Variants in CEMIP observed in about 807,000 individuals in gnomAD.
CEMIP encodes cell migration inducing hyaluronidase 1, also known as cell migration-inducing and hyaluronan-binding protein.
In CEMIP, 105 loss-of-function variants were observed where a neutral mutation model predicts 156.9. The observed-to-expected ratio is 0.67, with a 90% CI of 0.57 to 0.79. The LOEUF (loss-of-function observed/expected upper bound fraction) is 0.79. Among genes scored for constraint, CEMIP ranks in the 30% least tolerant of loss-of-function variants. CEMIP has a pLI of 0.00. For missense variants in CEMIP, 1,457 were observed against 1,769.4 expected (o/e 0.82, Z 3.17); for synonymous variants, 676 against 668.4 (o/e 1.01, Z -0.17).
At chr15:80,801,996 G>A (rs181986395) in intron 1 of CEMIP, among the ~76,000 whole-genome samples, 1 of 152,306 alleles carries the variant, frequency 6.6e-6, no homozygotes, top group African/African-American at 2.4e-5. Flanking sequence ...TTATATTAGG[G>A]ACTTGAGCAT....
intron 12 of CEMIP, among the ~76,000 whole-genome samples, chr15:80,902,555 A>G (rs1899611772): frequency 6.6e-6 from 1 of 152,212 alleles, no homozygotes; most frequent in South Asian, 2.1e-4. Context: ...CGCAGCTAAC[A>G]GCCATGGCCA....
chr15:80,785,608 G>A (rs1895915221), intron 1 of CEMIP, among the ~76,000 whole-genome samples: 1 of 152,192 alleles, frequency 6.6e-6, no homozygotes, highest in East Asian at 1.9e-4. Context: ...GTCATACAGG[G>A]TGATGGGGGC....
intron 1 of CEMIP, among the ~76,000 whole-genome samples, chr15:80,799,748 T>C (rs1473275931): frequency 6.6e-6 from 1 of 152,178 alleles, no homozygotes; most frequent in African/African-American, 2.4e-5. Context: ...CAAAAAATAA[T>C]GAAATCCTGT....
chr15:80,905,056 C>T (rs1017465460), intron 12 of CEMIP, among the ~76,000 whole-genome samples: 1 of 152,144 alleles, frequency 6.6e-6, no homozygotes, highest in African/African-American at 2.4e-5. Flanking sequence ...AGGATATGCG[C>T]AGGGTGAAGG....
chr15:80,896,570 TC>T, intron 12 of CEMIP, among the ~76,000 whole-genome samples: 1 of 152,346 alleles, frequency 6.6e-6, no homozygotes, highest in Admixed American at 6.5e-5. Flanking sequence ...ATCTCTTGTA[TC>T]TGTGAGTTTG....
chr15:80,872,276 G>T, intron 1 of CEMIP, among the ~76,000 whole-genome samples: 1 of 152,056 alleles, frequency 6.6e-6, no homozygotes, highest in East Asian at 1.9e-4. Flanking sequence ...CATATTCAGA[G>T]GAGAAATTGC....
At chr15:80,834,175 G>GA (rs1190601494) in intron 1 of CEMIP, among the ~76,000 whole-genome samples, 1 of 152,134 alleles carries the variant, frequency 6.6e-6, no homozygotes, top group African/African-American at 2.4e-5. Flanking sequence ...ACCCCCAGTT[G>GA]AAAGCCACTG....
intron 1 of CEMIP, among the ~76,000 whole-genome samples, chr15:80,838,109 G>A (rs1897305320): frequency 1.3e-5 from 2 of 152,184 alleles, no homozygotes; most frequent in South Asian, 2.1e-4. Context: ...CCTGACCTGC[G>A]ATGTGGAAGT....
intron 12 of CEMIP, among the ~76,000 whole-genome samples, chr15:80,904,843 A>G (rs1187633061): frequency 1.3e-5 from 2 of 152,194 alleles, no homozygotes; most frequent in African/African-American, 4.8e-5. Flanking sequence ...GAATACATTT[A>G]TGTTGTTTTA....
At chr15:80,809,869 G>A (rs905534479) in intron 1 of CEMIP, among the ~76,000 whole-genome samples, 1 of 152,198 alleles carries the variant, frequency 6.6e-6, no homozygotes, top group Non-Finnish European at 1.5e-5. Flanking sequence ...AGCAAATATT[G>A]TTTGTGCTTT....
intron 21 of CEMIP, 117 bp from the exon 22 acceptor site, chr15:80,931,742 T>C: frequency 1.0e-6 from 1 of 986,570 alleles, no homozygotes; most frequent in Non-Finnish European, 1.6e-6. Context: ...CCAGGAAGTC[T>C]CTGCTACCAT....
intron 1 of CEMIP, among the ~76,000 whole-genome samples, chr15:80,839,111 G>C (rs549354054): frequency 7.2e-5 from 11 of 152,268 alleles, no homozygotes; most frequent in East Asian, 3.9e-4. Context: ...GGGGTAGCAG[G>C]AGAGGAGGAG....
Position 80,881,052 on chromosome 15 carries a change from A to AT in CEMIP, c.540dup (p.Glu181Ter), listed in dbSNP as rs753314096. On this transcript the variant is annotated frameshift_variant, in exon 6 of 30. Transcript: ENST00000394685. LOFTEE classifies it high-confidence loss of function. ...CCAGGTGGCATGGCAGAAGGAGGCT[A>AT]TTTTTTTGAAAGGAGCTGGGGCCAC... 5.6e-6 allele frequency: 9 copies of AT among 1,614,012 alleles called. No homozygotes were observed. The highest frequency in any genetic ancestry group is 2.2e-5 in the East Asian group (1 of 44,894).
intron 1 of CEMIP, among the ~76,000 whole-genome samples, chr15:80,808,287 C>CTG (rs1896564784): frequency 6.6e-6 from 1 of 152,216 alleles, no homozygotes; most frequent in African/African-American, 2.4e-5. Flanking sequence ...GATGGCCCAC[C>CTG]TGCAGCCTTC....
In CEMIP at chr15:80,826,129, T is replaced by C. The variant is rs534263490; in HGVS notation, c.-176+46515T>C. On this transcript the variant is annotated intron_variant, in intron 1 of 29. Transcript: ENST00000394685. The stretch of plus-strand genomic sequence containing the variant: ...TCTGCATGCTAGGCTGCTTTATGCA[T>C]GGTAGGGAATTAAAAATATATGTGA... Among the ~76,000 whole-genome samples, 5 of 152,340 alleles carry C rather than the reference T, an allele frequency of 3.3e-5. No homozygotes were observed. The South Asian group carries it at 1.0e-3, about 32-fold the overall frequency.
At chr15:80,886,508 C>A (rs1254980322) in intron 7 of CEMIP, among the ~76,000 whole-genome samples, 1 of 152,104 alleles carries the variant, frequency 6.6e-6, no homozygotes, top group Non-Finnish European at 1.5e-5. Flanking sequence ...AGCTATTCAG[C>A]ACCAAAATCG....
chr15:80,918,306 A>C (rs1900349681), intron 14 of CEMIP, among the ~76,000 whole-genome samples: 1 of 152,042 alleles, frequency 6.6e-6, no homozygotes, highest in Non-Finnish European at 1.5e-5. Context: ...AAAAGACTTG[A>C]AGGAACTGTG....
chr15:80,820,216 C>A (rs993487642), intron 1 of CEMIP, among the ~76,000 whole-genome samples: 3 of 152,150 alleles, frequency 2.0e-5, no homozygotes, highest in Non-Finnish European at 2.9e-5. Flanking sequence ...TTCTCCAGGG[C>A]AGTGGTATTC....
intron 1 of CEMIP, among the ~76,000 whole-genome samples, chr15:80,858,449 C>A (rs954183012): frequency 6.6e-6 from 1 of 152,010 alleles, no homozygotes; most frequent in East Asian, 1.9e-4. Flanking sequence ...CTTGGTGGCT[C>A]ACGCCTGTAA....
Sources: allele counts gnomAD v4.1 joint callset (sites outside exome capture counted in the v4.1 genomes callset), GRCh38; gene constraint gnomAD v4.1.1; transcripts MANE v1.5; gene names NCBI Gene and HGNC (gene_info 2026-07-23, HGNC 2026-07-21).